PCDH15: variants seen among roughly 807,000 people sequenced by gnomAD.
The protein encoded by PCDH15 is protocadherin related 15.
In PCDH15, 129 loss-of-function variants were observed where a neutral mutation model predicts 178.5. The ratio of observed to expected loss-of-function variants is 0.72; its 90% CI spans 0.63 to 0.84. PCDH15 has a LOEUF of 0.84. PCDH15 is among the 40% of genes least tolerant of loss of function. The pLI is 0.00. For missense variants in PCDH15, 2,230 were observed against 2,099.9 expected (o/e 1.06, Z -1.21); for synonymous variants, 800 against 732.0 (o/e 1.09, Z -1.50).
intron 2 of PCDH15, among the ~76,000 whole-genome samples, chr10:55,131,846 C>A (rs1838055342): frequency 6.6e-6 from 1 of 152,142 alleles, no homozygotes; most frequent in Non-Finnish European, 1.5e-5. Flanking sequence ...CCAGAAAAAG[C>A]ACCATGAATT....
At chr10:54,528,400 A>C in intron 2 of PCDH15, 1 of 1,575,876 alleles carries the variant, frequency 6.3e-7, no homozygotes, top group Non-Finnish European at 8.6e-7. Flanking sequence ...TCATATTGCC[A>C]GTCTGGAGTC....
chr10:54,319,604 A>C (rs7067923), intron 7 of PCDH15, among the ~76,000 whole-genome samples: 1,908 of 152,212 alleles, frequency 0.013, 41 homozygotes, highest in African/African-American at 0.043. Context: ...GTGGTTGCAC[A>C]ATACTGTGAG....
intron 32 of PCDH15, chr10:53,825,220 C>T (rs2076600029): frequency 6.9e-7 from 1 of 1,439,832 alleles, no homozygotes; most frequent in Admixed American, 2.7e-5. Context: ...TAAAACAATT[C>T]TGAAAATATG....
At chr10:55,020,863 C>A (rs933621277) in intron 2 of PCDH15, among the ~76,000 whole-genome samples, 2 of 152,140 alleles carry the variant, frequency 1.3e-5, no homozygotes, top group African/African-American at 4.8e-5. Flanking sequence ...AAAGTCATCT[C>A]TCTGCCCACC....
chr10:54,452,170 G>A (rs775081989), intron 3 of PCDH15, among the ~76,000 whole-genome samples: 13 of 151,940 alleles, frequency 8.6e-5, no homozygotes, highest in Non-Finnish European at 1.8e-4. Flanking sequence ...CCAAAACATA[G>A]TTGGGAGGAG....
chr10:55,067,769 T>C (rs1261982306), intron 2 of PCDH15, among the ~76,000 whole-genome samples: 1 of 152,044 alleles, frequency 6.6e-6, no homozygotes, highest in African/African-American at 2.4e-5. Context: ...TCTGTCTTTT[T>C]AATAACAGTC....
At chr10:54,213,479 C>A (rs2051667539) in intron 10 of PCDH15, among the ~76,000 whole-genome samples, 1 of 151,908 alleles carries the variant, frequency 6.6e-6, no homozygotes, top group East Asian at 1.9e-4. Flanking sequence ...ATAGGCAAGA[C>A]CTCTTATTTT....
chr10:54,416,460 C>T (rs1010714399), intron 3 of PCDH15, among the ~76,000 whole-genome samples: 19 of 152,060 alleles, frequency 1.2e-4, no homozygotes, highest in African/African-American at 4.3e-4. Flanking sequence ...TGATCTCATT[C>T]TTTTTTATGG....
At chr10:55,433,253 G>A (rs2132059281) in intron 2 of PCDH15, among the ~76,000 whole-genome samples, 1 of 152,264 alleles carries the variant, frequency 6.6e-6, no homozygotes, top group African/African-American at 2.4e-5. Context: ...ATACCCCATT[G>A]AATACTACAC....
At chr10:54,066,967 C>A in intron 17 of PCDH15, 82 bp from the exon 18 acceptor site, 1 of 1,395,680 alleles carries the variant, frequency 7.2e-7, no homozygotes, top group South Asian at 1.2e-5. Flanking sequence ...TGGCATTTGT[C>A]TATCTGAAAA....
intron 2 of PCDH15, among the ~76,000 whole-genome samples, chr10:55,584,441 G>A (rs978465842): frequency 2.6e-5 from 4 of 151,492 alleles, no homozygotes; most frequent in African/African-American, 7.3e-5. Flanking sequence ...GGCAGATCAC[G>A]AGGTCAAGAG....
chr10:53,872,727 T>C (rs906232283), intron 26 of PCDH15, among the ~76,000 whole-genome samples: 2 of 152,210 alleles, frequency 1.3e-5, no homozygotes, highest in African/African-American at 4.8e-5. Flanking sequence ...TAAGTTCTCT[T>C]TCTCACTCCA....
chr10:54,128,961 C>T (rs1356312082), intron 15 of PCDH15, among the ~76,000 whole-genome samples: 1 of 152,024 alleles, frequency 6.6e-6, no homozygotes, highest in African/African-American at 2.4e-5. Flanking sequence ...CCTCCAAAAA[C>T]AGATAAAATA....
At chr10:55,431,500 C>G (rs910458438) in intron 2 of PCDH15, among the ~76,000 whole-genome samples, 2 of 152,042 alleles carry the variant, frequency 1.3e-5, no homozygotes, top group Non-Finnish European at 2.9e-5. Context: ...TTAGGACTTA[C>G]AAAAACTTAA....
chr10:54,113,240 T>C (rs543432513), intron 15 of PCDH15, among the ~76,000 whole-genome samples: 1 of 152,226 alleles, frequency 6.6e-6, no homozygotes, highest in East Asian at 1.9e-4. Flanking sequence ...AAATTTATAG[T>C]TGAGGGGATA....
intron 2 of PCDH15, among the ~76,000 whole-genome samples, chr10:55,079,482 T>C (rs1243175798): frequency 6.6e-6 from 1 of 152,186 alleles, no homozygotes; most frequent in Non-Finnish European, 1.5e-5. Flanking sequence ...TTAGCCCCAG[T>C]CATGACAACT....
intron 6 of PCDH15, among the ~76,000 whole-genome samples, chr10:54,334,714 C>CACACAT (rs10692821): frequency 6.8e-6 from 1 of 147,174 alleles, no homozygotes; most frequent in African/African-American, 2.5e-5. Flanking sequence ...CACACACACA[C>CACACAT]GTGTATATAT....
At chr10:54,649,215 G>A (rs1250159418) in intron 2 of PCDH15, among the ~76,000 whole-genome samples, 3 of 152,130 alleles carry the variant, frequency 2.0e-5, no homozygotes, top group Admixed American at 6.6e-5. Flanking sequence ...GGAAATACCT[G>A]AAGAAAGCAT....
chr10:55,256,618 C>T (rs543899911), intron 1 of PCDH15, among the ~76,000 whole-genome samples: 3 of 152,300 alleles, frequency 2.0e-5, no homozygotes, highest in African/African-American at 4.8e-5. Flanking sequence ...CATGAAGCCT[C>T]GCTCATTGCT....
Sources: allele counts gnomAD v4.1 joint callset (sites outside exome capture counted in the v4.1 genomes callset), GRCh38; gene constraint gnomAD v4.1.1; transcripts MANE v1.5; gene names NCBI Gene and HGNC (gene_info 2026-07-23, HGNC 2026-07-21).